Variants in PIEZO1 observed in about 807,000 individuals in gnomAD.
PIEZO1 encodes piezo-type mechanosensitive ion channel component 1.
In PIEZO1, 296 loss-of-function variants were observed where a neutral mutation model predicts 297.2. That is an observed-to-expected ratio of 1.00 (90% confidence interval 0.91 to 1.10). The LOEUF is 1.10. Ranked by LOEUF, PIEZO1 falls within the 50% of genes least tolerant of loss-of-function variation. The pLI is 0.00. For synonymous variants in PIEZO1, 2,427 were observed against 1,507.5 expected (o/e 1.61, Z -14.13); for missense variants, 5,018 against 3,455.5 (o/e 1.45, Z -11.34).
At chr16:88,717,337 G>A in intron 44 of PIEZO1, 126 bp from the exon 45 acceptor site, 3 of 750,474 alleles carry the variant, frequency 4.0e-6, no homozygotes, top group Non-Finnish European at 6.9e-6. Context: ...CACAGCGGTA[G>A]TAATGGTGGG....
chr16:88,722,203 G>A lies in PIEZO1; in HGVS notation c.4955+15C>T, dbSNP rs1436198494. 26 of 1,542,036 alleles carry A rather than the reference G, an allele frequency of 1.7e-5. No individual in the cohort carries two copies. In the Admixed American group the frequency reaches 2.0e-4, roughly 12 times the overall value. ...GGCCATGGTGAGGCTGGTGTTGTGC[G>A]CGTCCCGCCCCCACCTGTCCAGGAG... On this transcript the variant is annotated intron_variant, in intron 36 of 50. Coordinates refer to ENST00000301015, the MANE Select transcript of PIEZO1 (RefSeq NM_001142864.4).
chr16:88,723,381 G>C lies in PIEZO1; in HGVS notation c.4336-53C>G, dbSNP rs114281989. On this transcript the variant is annotated intron_variant, in intron 31 of 50. Coordinates refer to ENST00000301015, the MANE Select transcript of PIEZO1 (RefSeq NM_001142864.4). ...CGGCCTCCCGAGCCATCAGACCCAG[G>C]CGGGAAGCTGGGGTTGGGCAAGCCG... 1,828 of 1,530,474 alleles carry C rather than the reference G, an allele frequency of 1.2e-3. 25 individuals are homozygous for C. In the African/African-American group the frequency reaches 0.023, roughly 19 times the overall value. 94.8% of individuals were successfully genotyped at this position (1,530,474 alleles called of 1,614,324 possible). A position where few individuals can be genotyped will look rare whatever the true frequency, so the allele number is the denominator to read the frequency against.
At chr16:88,727,728 C>A (rs1904556489) in intron 22 of PIEZO1, 67 bp from the exon 23 acceptor site, 2 of 711,994 alleles carry the variant, frequency 2.8e-6, no homozygotes, top group Admixed American at 3.4e-5. Flanking sequence ...CCGGTCCCCA[C>A]CCGTTGACCC....
rs1049422809 is a variant in PIEZO1 at position 88,725,537 on chromosome 16, G to A, written c.4059-18C>T. ...GCTCCATCCTGTGGTGGGGAAAGGT[G>A]GGGTATGCTGAGCATTGGGGGGAGG... On this transcript the variant is annotated intron_variant, in intron 28 of 50. Transcript: ENST00000301015. The A allele has an allele frequency of 3.9e-6, 6 of 1,536,326 alleles. No individual in the cohort carries two copies. In the African/African-American group the frequency reaches 5.5e-5, roughly 14 times the overall value.
intron 35 of PIEZO1, 63 bp from the exon 36 acceptor site, chr16:88,722,460 G>T (rs1354275103): frequency 8.3e-6 from 12 of 1,453,072 alleles, no homozygotes; most frequent in South Asian, 1.4e-5. Flanking sequence ...GCTACAGGGA[G>T]GGTCAGGGTG....
At chr16:88,719,365 T>C in intron 44 of PIEZO1, 3 of 576,698 alleles carry the variant, frequency 5.2e-6, no homozygotes, top group Non-Finnish European at 9.3e-6. Flanking sequence ...CCAACTCCGC[T>C]GCCCACTTCT....
rs1014694065 is a variant in PIEZO1, at chr16:88,727,618, T to G, written c.3240A>C (p.Ala1080=). 5.2e-6 allele frequency: 8 copies of G among 1,524,504 alleles called. No homozygotes were observed. The Admixed American group carries it at 1.5e-4, about 28-fold the overall frequency. The allele number at this position is 1,524,504 out of a possible 1,614,324, so 94.4% of individuals were successfully genotyped here. The change falls in exon 23 of 51, where the codon GCA becomes GCC. Residue 1080 remains alanine (A), a synonymous_variant. Coordinates refer to ENST00000301015, the MANE Select transcript of PIEZO1 (RefSeq NM_001142864.4). ...CAGGCAGGTACAGCCACTTGATGAGTGCGGAGTTCATGGGGACGGCCCGGC... is the reference window on the plus strand; with the variant it reads ...CAGGCAGGTACAGCCACTTGATGAGGGCGGAGTTCATGGGGACGGCCCGGC... ...RWSRAVPMNS[A]LIKWLYLPDF...
At position 88,735,119 on chromosome 16, in the gene PIEZO1, C is replaced by T; in HGVS notation, c.1669+16G>A. ...GCAGGCAGGAGGGCAACCCCCGCCT[C>T]TGGCCCACCACTCACCTGTGTCTGC... is the stretch of plus-strand genomic sequence containing the variant. On this transcript the variant is annotated intron_variant, in intron 13 of 50. Transcript: ENST00000301015. 2 of 1,549,750 alleles carry T rather than the reference C, an allele frequency of 1.3e-6. No individual in the cohort carries two copies. Among genetic ancestry groups the T allele is most frequent in the Non-Finnish European group, 1.7e-6 (2 of 1,146,402 alleles).
chr16:88,719,585 C>G lies in PIEZO1; in HGVS notation c.6460G>C (p.Glu2154Gln). The G allele has an allele frequency of 6.4e-7, 1 of 1,550,828 alleles. No homozygotes were observed. Among genetic ancestry groups the G allele is most frequent in the Non-Finnish European group, 8.7e-7 (1 of 1,147,088 alleles). Reference sequence around the variant, plus strand: ...CTGGGCCCAGGCACCTTCTCTGTCTCTCGGCTGCATTTGATGATGAAGATG... The same window carrying G: ...CTGGGCCCAGGCACCTTCTCTGTCTGTCGGCTGCATTTGATGATGAAGATG... ...ANIFIIKCSR[E>Q]TEKKYPQPKG... Residue 2154 changes from glutamate to glutamine, a missense_variant, in exon 44 of 51, where the codon GAG becomes CAG. Transcript: ENST00000301015.
Position 88,731,854 on chromosome 16 carries a change from G to C in PIEZO1, c.3048C>G (p.Thr1016=). 1 of 1,437,546 alleles carries C rather than the reference G, an allele frequency of 7.0e-7. No homozygotes were observed. The highest frequency in any genetic ancestry group is 1.2e-5 in the South Asian group (1 of 80,890). 89.0% of individuals were successfully genotyped at this position (1,437,546 alleles called of 1,614,324 possible). A position where few individuals can be genotyped will look rare whatever the true frequency, so the allele number is the denominator to read the frequency against. ...VIGQRMNFLV[T]LHGCWLVAIL... ...TGGCCACCAGCCAGCAACCGTGCAGGGTCACCAGAAAGTTCATGCGCTGCC... is the reference window on the plus strand; with the variant it reads ...TGGCCACCAGCCAGCAACCGTGCAGCGTCACCAGAAAGTTCATGCGCTGCC... The change falls in exon 22 of 51, where the codon ACC becomes ACG. Residue 1016 remains threonine (T), a synonymous_variant. Transcript: ENST00000301015.
chr16:88,715,885 GCCCGGAGCCCCCCGAGCTGCGGGGTGCCC>G lies in PIEZO1; in HGVS notation c.7316+19_7317-32del, dbSNP rs1911980131. ...GGGGAAGCTGGTGAGTCCTGGGGCC[GCCCGGAGCCCCCCGAGCTGCGGGGTGCCC>G]CCCCAGCCACTCACTCACCCGTAGC... is the stretch of plus-strand genomic sequence containing the variant. On this transcript the variant is annotated intron_variant, in intron 50 of 50. Transcript: ENST00000301015. 6.5e-7 allele frequency: 1 copy of G among 1,544,928 alleles called. No individual in the cohort carries two copies. Among genetic ancestry groups the G allele is most frequent in the African/African-American group, 1.4e-5 (1 of 72,604 alleles).
intron 1 of PIEZO1, among the ~76,000 whole-genome samples, chr16:88,778,584 G>A (rs1337190351): frequency 6.6e-6 from 1 of 152,238 alleles, no homozygotes; most frequent in East Asian, 1.9e-4. Flanking sequence ...GGCCCTGGCA[G>A]CGCCCGGCAG....
rs554403514 is a variant in PIEZO1, at chr16:88,766,798, C to T, written c.65-17319G>A. ...GATCACCAGCCCCAGAACGGGGACCCGGCCCCAGCTGCTCTCAGAGCCACA... is the reference window on the plus strand; with the variant it reads ...GATCACCAGCCCCAGAACGGGGACCTGGCCCCAGCTGCTCTCAGAGCCACA... On this transcript the variant is annotated intron_variant, in intron 1 of 50. Transcript: ENST00000301015. Among the ~76,000 whole-genome samples, 257 of 152,344 alleles carry T rather than the reference C, an allele frequency of 1.7e-3. 2 individuals carry two copies. Among genetic ancestry groups the T allele is most frequent in the African/African-American group, 5.9e-3 (247 of 41,582 alleles).
intron 1 of PIEZO1, among the ~76,000 whole-genome samples, chr16:88,757,327 T>TTGGGGGGGGGGGGG (rs1906720153): frequency 1.4e-4 from 6 of 42,698 alleles, no homozygotes; most frequent in Non-Finnish European, 2.1e-4. Context: ...GGCGGGGGGG[T>TTGGGGGGGGGGGGG]GGGGGGTAGT....
chr16:88,743,997 G>C, intron 2 of PIEZO1: 1 of 221,336 alleles, frequency 4.5e-6, no homozygotes, highest in Non-Finnish European at 9.3e-6. Flanking sequence ...CGGAGGACAG[G>C]ACCTTCCAGG....
Position 88,737,709 on chromosome 16 carries a change from C to T in PIEZO1, c.1107+19G>A. 1 of 1,534,962 alleles carries T rather than the reference C, an allele frequency of 6.5e-7. No homozygotes were observed. Among genetic ancestry groups the T allele is most frequent in the Non-Finnish European group, 8.7e-7 (1 of 1,146,120 alleles). On this transcript the variant is annotated intron_variant, in intron 9 of 50. Coordinates refer to ENST00000301015, the MANE Select transcript of PIEZO1 (RefSeq NM_001142864.4). Reference sequence around the variant, plus strand: ...CGGGCGCCCCCCACGCTGGCGTCTCCACCTGCCTGGCTGCTCACCTGGTCA... The same window carrying T: ...CGGGCGCCCCCCACGCTGGCGTCTCTACCTGCCTGGCTGCTCACCTGGTCA...
At chr16:88,784,695 C>T (rs900072840) in intron 1 of PIEZO1, among the ~76,000 whole-genome samples, 1 of 151,700 alleles carries the variant, frequency 6.6e-6, no homozygotes, top group Non-Finnish European at 1.5e-5. Flanking sequence ...CGCCGCCCTT[C>T]CAGCCCGGCC....
At chr16:88,768,459 G>A (rs977459409) in intron 1 of PIEZO1, among the ~76,000 whole-genome samples, 1 of 152,230 alleles carries the variant, frequency 6.6e-6, no homozygotes. Flanking sequence ...CTGGAAAAAG[G>A]GGAGTGAGAA....
chr16:88,725,999 C>T lies in PIEZO1; in HGVS notation c.3968+285G>A, dbSNP rs570581522. On this transcript the variant is annotated intron_variant, in intron 27 of 50. Transcript: ENST00000301015. The stretch of plus-strand genomic sequence containing the variant: ...TCGTGACACCACACAGTGGCCCTCC[C>T]GCTGGTGGAGAAACTTAGCCCTTAG... 8.6e-5 allele frequency: 49 copies of T among 566,550 alleles called. 1 individual carries two copies. The South Asian group carries it at 8.9e-4, about 10-fold the overall frequency. 35.1% of individuals were successfully genotyped at this position (566,550 alleles called of 1,614,324 possible).
Sources: allele counts gnomAD v4.1 joint callset (sites outside exome capture counted in the v4.1 genomes callset), GRCh38; gene constraint gnomAD v4.1.1; transcripts MANE v1.5; gene names NCBI Gene and HGNC (gene_info 2026-07-23, HGNC 2026-07-21).